CNTN5: variants seen among roughly 807,000 people sequenced by gnomAD.
CNTN5 encodes contactin-5.
CNTN5 carries 77 observed loss-of-function variants against 129.1 expected under a neutral mutation model. The observed-to-expected ratio is 0.60, with a 90% CI of 0.50 to 0.72. The LOEUF is 0.72. CNTN5 is among the 30% of genes least tolerant of loss of function. CNTN5 has a pLI of 0.00. For synonymous variants in CNTN5, 509 were observed against 465.6 expected (o/e 1.09, Z -1.20); for missense variants, 1,478 against 1,328.8 (o/e 1.11, Z -1.75).
chr11:99,268,987 A>G (rs1271531687), intron 1 of CNTN5, among the ~76,000 whole-genome samples: 3 of 152,006 alleles, frequency 2.0e-5, no homozygotes, highest in Non-Finnish European at 4.4e-5. Flanking sequence ...GACCTGTTTT[A>G]TGCTGAAGAG....
intron 1 of CNTN5, among the ~76,000 whole-genome samples, chr11:99,084,386 G>T (rs1865917440): frequency 6.6e-6 from 1 of 152,120 alleles, no homozygotes; most frequent in African/African-American, 2.4e-5. Context: ...GCAGGTATCT[G>T]GATGATTATT....
intron 13 of CNTN5, among the ~76,000 whole-genome samples, chr11:100,085,672 CAAAAT>C (rs560137237): frequency 2.1e-3 from 323 of 152,026 alleles, no homozygotes; most frequent in South Asian, 9.6e-3. Flanking sequence ...TTAAAGTCCT[CAAAAT>C]AAGATACGAT....
chr11:99,737,672 TTATTC>T (rs1943755205), intron 3 of CNTN5, among the ~76,000 whole-genome samples: 2 of 152,152 alleles, frequency 1.3e-5, no homozygotes, highest in African/African-American at 4.8e-5. Flanking sequence ...GAGGCATAAT[TTATTC>T]TATTTAAAAT....
At chr11:100,327,845 T>A (rs1224723432) in intron 21 of CNTN5, among the ~76,000 whole-genome samples, 1 of 152,014 alleles carries the variant, frequency 6.6e-6, no homozygotes, top group Admixed American at 6.6e-5. Context: ...AAGACAAAAT[T>A]TGATTATTAA....
intron 3 of CNTN5, among the ~76,000 whole-genome samples, chr11:99,727,054 C>T (rs1335566915): frequency 6.6e-6 from 1 of 151,368 alleles, no homozygotes; most frequent in Non-Finnish European, 1.5e-5. Flanking sequence ...CGCCTGTAAT[C>T]CCAGCACTTT....
chr11:100,243,341 T>G, intron 16 of CNTN5, among the ~76,000 whole-genome samples: 1 of 152,204 alleles, frequency 6.6e-6, no homozygotes, highest in East Asian at 1.9e-4. Context: ...ATACTATCAG[T>G]TGATACATCA....
At chr11:99,202,083 T>G (rs1219394696) in intron 1 of CNTN5, among the ~76,000 whole-genome samples, 1 of 152,192 alleles carries the variant, frequency 6.6e-6, no homozygotes, top group Non-Finnish European at 1.5e-5. Flanking sequence ...ATAGAAAAAT[T>G]TTACATGATT....
rs532300877 is a variant in CNTN5, at chr11:99,692,084, A to ATTTGC, written c.56-127457_56-127453dup. On this transcript the variant is annotated intron_variant, in intron 3 of 24. Transcript: ENST00000524871. ...CAACCCCTGCTTTTTTAGGTTTTCC[A>ATTTGC]TTTGCTTGGTAAATTTTCCTCTTTC... 1.5e-3 allele frequency among the ~76,000 whole-genome samples: 230 copies of ATTTGC among 151,898 alleles called. 2 individuals are homozygous for ATTTGC. The highest frequency in any genetic ancestry group is 5.3e-3 in the African/African-American group (221 of 41,420).
intron 6 of CNTN5, among the ~76,000 whole-genome samples, chr11:99,881,223 A>G (rs774485460): frequency 7.2e-5 from 11 of 152,182 alleles, no homozygotes; most frequent in Middle Eastern, 3.2e-3. Context: ...CATTTGATCT[A>G]CATACTACAC....
At chr11:99,221,946 A>G (rs186638016) in intron 1 of CNTN5, among the ~76,000 whole-genome samples, 5 of 152,080 alleles carry the variant, frequency 3.3e-5, no homozygotes, top group Non-Finnish European at 4.4e-5. Flanking sequence ...ACAATTGGAC[A>G]GCAATTTTAA....
At chr11:100,049,942 T>C (rs2137732344) in intron 9 of CNTN5, among the ~76,000 whole-genome samples, 1 of 152,238 alleles carries the variant, frequency 6.6e-6, no homozygotes. Flanking sequence ...CTCACACCAG[T>C]TAGAATGGCA....
rs565955217 is a variant in CNTN5 at position 100,239,647 on chromosome 11, T to G, written c.2005+14835T>G. On this transcript the variant is annotated intron_variant, in intron 16 of 24. Transcript: ENST00000524871. ...AAAAGATTTGAAAATAATTGCAAAGTAGAATAATCAAATAAAATAGTCAGA... is the reference window on the plus strand; with the variant it reads ...AAAAGATTTGAAAATAATTGCAAAGGAGAATAATCAAATAAAATAGTCAGA... Among the ~76,000 whole-genome samples, 183 of 152,270 alleles carry G rather than the reference T, an allele frequency of 1.2e-3. 1 individual carries two copies. The highest frequency in any genetic ancestry group is 4.3e-3 in the African/African-American group (178 of 41,570).
chr11:99,777,040 GTTC>G (rs1945148290), intron 3 of CNTN5, among the ~76,000 whole-genome samples: 1 of 151,674 alleles, frequency 6.6e-6, no homozygotes, highest in African/African-American at 2.4e-5. Flanking sequence ...CTTTTACAAT[GTTC>G]TTCTTCAGTG....
Position 99,572,373 on chromosome 11 carries a change from G to C in CNTN5, c.55+16104G>C, listed in dbSNP as rs77171873. On this transcript the variant is annotated intron_variant, in intron 3 of 24. Coordinates refer to ENST00000524871, the MANE Select transcript of CNTN5 (RefSeq NM_014361.4). Reference sequence around the variant, plus strand: ...CTGCATTTAAAGCCATCCTGTGCTAGATGCAGCCTGCTGGCCACGGTTTGG... The same window carrying C: ...CTGCATTTAAAGCCATCCTGTGCTACATGCAGCCTGCTGGCCACGGTTTGG... Among the ~76,000 whole-genome samples the C allele has an allele frequency of 7.0e-3, 1,070 of 152,352 alleles. 28 individuals carry two copies. In the East Asian group the frequency reaches 0.098, roughly 14 times the overall value.
intron 9 of CNTN5, among the ~76,000 whole-genome samples, chr11:100,020,942 T>C (rs1339248187): frequency 6.6e-6 from 1 of 151,994 alleles, no homozygotes; most frequent in Non-Finnish European, 1.5e-5. Flanking sequence ...AATAGAAAGA[T>C]ACCCTCTGTT....
At chr11:99,477,561 A>G (rs1040660285) in intron 2 of CNTN5, among the ~76,000 whole-genome samples, 1 of 152,070 alleles carries the variant, frequency 6.6e-6, no homozygotes, top group Non-Finnish European at 1.5e-5. Context: ...TTTATAGACA[A>G]ACATACATAT....
At chr11:100,200,223 C>T (rs2138545359) in intron 15 of CNTN5, among the ~76,000 whole-genome samples, 1 of 151,980 alleles carries the variant, frequency 6.6e-6, no homozygotes, top group South Asian at 2.1e-4. Flanking sequence ...TGCCCATCTC[C>T]ACTTTACTCT....
At chr11:99,554,721 G>C (rs768997989) in intron 2 of CNTN5, among the ~76,000 whole-genome samples, 1 of 152,068 alleles carries the variant, frequency 6.6e-6, no homozygotes, top group Non-Finnish European at 1.5e-5. Flanking sequence ...TAACTCAACT[G>C]TGCAGTTCTC....
chr11:99,273,323 G>A (rs1863264439), intron 1 of CNTN5, among the ~76,000 whole-genome samples: 1 of 151,778 alleles, frequency 6.6e-6, no homozygotes, highest in South Asian at 2.1e-4. Context: ...ACATCTTCTA[G>A]ACTATTCTCA....
Sources: gnomAD v4.1 joint callset for allele counts (sites outside exome capture counted in the v4.1 genomes callset) on GRCh38, gnomAD v4.1.1 for gene constraint, MANE v1.5 for transcripts, NCBI Gene and HGNC (gene_info 2026-07-23, HGNC 2026-07-21) for gene names.